The following KALRN variants were observed in gnomAD, a reference collection of about 807,000 sequenced individuals.
KALRN encodes kalirin.
KALRN carries 70 observed loss-of-function variants against 353.7 expected under a neutral mutation model. That is an observed-to-expected ratio of 0.20 (90% CI 0.16 to 0.24). KALRN has a LOEUF of 0.24. Among genes scored for constraint, KALRN ranks in the 10% least tolerant of loss-of-function variants. The probability of loss-of-function intolerance (pLI) is 1.00; values close to 1 mark genes in which losing one functional copy is unlikely to be tolerated. For synonymous variants in KALRN, 1,391 were observed against 1,434.8 expected (o/e 0.97, Z 0.69); for missense variants, 2,791 against 3,756.7 (o/e 0.74, Z 6.72).
intron 1 of KALRN, among the ~76,000 whole-genome samples, chr3:124,048,240 T>C (rs962282440): frequency 3.9e-5 from 6 of 152,174 alleles, no homozygotes; most frequent in African/African-American, 1.4e-4. Context: ...TGTAAAAATA[T>C]TTACACAAAA....
chr3:124,637,615 G>A (rs667883), intron 37 of KALRN, among the ~76,000 whole-genome samples: 79,518 of 151,948 alleles, frequency 0.52, 21,752 homozygotes, highest in East Asian at 0.91. Flanking sequence ...TGATTGATAT[G>A]TATTTGGTTA....
intron 1 of KALRN, among the ~76,000 whole-genome samples, chr3:124,191,140 C>A (rs2074858397): frequency 6.6e-6 from 1 of 152,190 alleles, no homozygotes; most frequent in South Asian, 2.1e-4. Context: ...GAAATAGTTT[C>A]TATGTCATTT....
chr3:124,546,956 G>A (rs1029513708), intron 33 of KALRN, among the ~76,000 whole-genome samples: 3 of 152,108 alleles, frequency 2.0e-5, no homozygotes, highest in Admixed American at 6.6e-5. Flanking sequence ...ATACTCACAC[G>A]GATTTGTTGA....
At chr3:124,347,289 T>C in intron 10 of KALRN, 24 bp downstream of exon 10, 1 of 1,369,208 alleles carries the variant, frequency 7.3e-7, no homozygotes, top group African/African-American at 1.5e-5. Flanking sequence ...TGTGTGTGTG[T>C]GTGTGTGTGT....
intron 36 of KALRN, among the ~76,000 whole-genome samples, chr3:124,635,906 T>C (rs1042910435): frequency 2.0e-5 from 3 of 152,172 alleles, no homozygotes; most frequent in African/African-American, 7.2e-5. Flanking sequence ...GGTGTTTCCA[T>C]TGTTTGCTAC....
Position 124,434,542 on chromosome 3 carries a change from T to G in KALRN, c.3048+17T>G. ...TCTGAACAGGTGAGGGAAAAGACTG[T>G]GGGGCTTGTGGGGCTGAGATTGCCA... is the stretch of plus-strand genomic sequence containing the variant. On this transcript the variant is annotated intron_variant, in intron 17 of 59. Coordinates refer to ENST00000682506, the MANE Select transcript of KALRN (RefSeq NM_001388419.1). 6.2e-7 allele frequency: 1 copy of G among 1,610,632 alleles called. No homozygotes were observed. Among genetic ancestry groups the G allele is most frequent in the Non-Finnish European group, 8.5e-7 (1 of 1,177,140 alleles).
intron 34 of KALRN, among the ~76,000 whole-genome samples, chr3:124,629,411 C>A (rs920795099): frequency 2.0e-5 from 3 of 152,200 alleles, no homozygotes; most frequent in African/African-American, 7.2e-5. Flanking sequence ...TTTATCATGT[C>A]ATTTCCCAGT....
chr3:124,147,015 G>A (rs9878454), intron 1 of KALRN, among the ~76,000 whole-genome samples: 3,264 of 151,896 alleles, frequency 0.021, 129 homozygotes, highest in African/African-American at 0.075. Context: ...ACTATACCAT[G>A]TGCTTTATAT....
chr3:124,472,981 G>A (rs1458336213), intron 25 of KALRN, among the ~76,000 whole-genome samples: 2 of 152,118 alleles, frequency 1.3e-5, no homozygotes, highest in South Asian at 2.1e-4. Flanking sequence ...TTTGCTTATC[G>A]CTAAAGCAAT....
intron 51 of KALRN, among the ~76,000 whole-genome samples, chr3:124,689,746 G>T (rs1471074847): frequency 1.3e-5 from 2 of 152,044 alleles, no homozygotes; most frequent in Non-Finnish European, 2.9e-5. Context: ...TGATTTTTCT[G>T]CTATGTGCAA....
chr3:124,326,555 A>C (rs532204922), intron 7 of KALRN, among the ~76,000 whole-genome samples: 6 of 152,228 alleles, frequency 3.9e-5, no homozygotes, highest in Non-Finnish European at 7.3e-5. Context: ...AGCAGGGGAA[A>C]CTAATTTTAC....
intron 1 of KALRN, among the ~76,000 whole-genome samples, chr3:124,120,097 C>A (rs960852299): frequency 9.2e-5 from 14 of 152,256 alleles, no homozygotes; most frequent in African/African-American, 3.1e-4. Flanking sequence ...ACTGGCTATT[C>A]TAGGAGATGG....
chr3:124,247,453 T>TGTAACAATTGCCA (rs140570465), intron 3 of KALRN, among the ~76,000 whole-genome samples: 2 of 152,076 alleles, frequency 1.3e-5, no homozygotes, highest in African/African-American at 4.8e-5. Flanking sequence ...TCACCTGCTA[T>TGTAACAATTGCCA]GTTGAAACTG....
chr3:124,113,737 C>T lies in KALRN; in HGVS notation c.73+79924C>T, dbSNP rs149890772. ...GCCCTGCTATCTCCTGCTGGCTCAG[C>T]CTGCGAGGCTCAAGGTACATCCTGC... On this transcript the variant is annotated intron_variant, in intron 1 of 59. Coordinates refer to ENST00000682506, the MANE Select transcript of KALRN (RefSeq NM_001388419.1). Among the ~76,000 whole-genome samples, 65 of 152,354 alleles carry T rather than the reference C, an allele frequency of 4.3e-4. No individual in the cohort carries two copies. The East Asian group carries it at 0.012, about 29-fold the overall frequency.
At chr3:124,542,529 T>G (rs181822840) in intron 33 of KALRN, among the ~76,000 whole-genome samples, 2 of 152,348 alleles carry the variant, frequency 1.3e-5, no homozygotes, top group East Asian at 3.9e-4. Flanking sequence ...GCACAAAGCT[T>G]GTACCTCTGG....
In KALRN at chr3:124,539,930, G is replaced by GGT. The variant is rs1393688015; in HGVS notation, c.4936-22912_4936-22911insTG. Reference sequence around the variant, plus strand: ...ACCAAGCTAATTTTTTTTGGGGGGGGGGACAGGGTCTCACTGTCACCCAGG... The same window carrying GGT: ...ACCAAGCTAATTTTTTTTGGGGGGGGGTGGACAGGGTCTCACTGTCACCCAGG... On this transcript the variant is annotated intron_variant, in intron 33 of 59. Transcript: ENST00000682506. Among the ~76,000 whole-genome samples the GGT allele has an allele frequency of 4.6e-5, 7 of 150,816 alleles. No individual in the cohort carries two copies. In the South Asian group the frequency reaches 1.5e-3, roughly 32 times the overall value.
In KALRN at chr3:124,721,081, T is replaced by C. The variant is rs1006704592; in HGVS notation, c.*1611T>C. The C allele has an allele frequency of 6.6e-5, 10 of 152,150 alleles. No homozygotes were observed. The highest frequency in any genetic ancestry group is 2.4e-4 in the African/African-American group (10 of 41,444). The allele number at this position is 152,150 out of a possible 1,614,324, so 9.4% of individuals were successfully genotyped here. ...AAGGATGAATAGAACTACAAACCTA[T>C]CTAAATGAAAAAGAAATGGTGGAAA... On this transcript the variant is annotated 3_prime_UTR_variant, in exon 60 of 60. Transcript: ENST00000682506.
At chr3:124,198,955 T>A (rs771576290) in intron 1 of KALRN, among the ~76,000 whole-genome samples, 3 of 152,132 alleles carry the variant, frequency 2.0e-5, no homozygotes, top group Non-Finnish European at 4.4e-5. Flanking sequence ...AGGCCCAGAT[T>A]GTGTGATCGG....
rs142823302 is a variant in KALRN, at chr3:124,717,370, A to G, written c.8400A>G (p.Ala2800=). Reference sequence around the variant, plus strand: ...AGTACCTTCACAACTGCAGGGTTGCACATTTGGACATAAAGGTAATAAGAA... The same window carrying G: ...AGTACCTTCACAACTGCAGGGTTGCGCATTTGGACATAAAGGTAATAAGAA... ...ALQYLHNCRV[A]HLDIKPENLL... The change falls in exon 59 of 60, where the codon GCA becomes GCG. Residue 2800 remains alanine (A), a synonymous_variant. Coordinates refer to ENST00000682506, the MANE Select transcript of KALRN (RefSeq NM_001388419.1). 15 of 1,603,656 alleles carry G rather than the reference A, an allele frequency of 9.4e-6. No homozygotes were observed. Among genetic ancestry groups the G allele is most frequent in the Middle Eastern group, 1.7e-4 (1 of 6,028 alleles).
Sources: allele counts gnomAD v4.1 joint callset (sites outside exome capture counted in the v4.1 genomes callset), GRCh38; gene constraint gnomAD v4.1.1; transcripts MANE v1.5; gene names NCBI Gene and HGNC (gene_info 2026-07-23, HGNC 2026-07-21).